Variants in PDE4D observed in about 807,000 individuals in gnomAD.
PDE4D encodes the protein 3',5'-cyclic-AMP phosphodiesterase 4D.
PDE4D carries 24 observed loss-of-function variants against 87.4 expected under a neutral mutation model. The ratio of observed to expected loss-of-function variants is 0.27; its 90% CI spans 0.20 to 0.39. PDE4D has a LOEUF of 0.39. Ranked by LOEUF, PDE4D falls within the 10% of genes least tolerant of loss-of-function variation. The pLI, the probability that PDE4D is intolerant of heterozygous loss-of-function variation, is 1.00. For synonymous variants in PDE4D, 384 were observed against 383.2 expected (o/e 1.00, Z -0.02); for missense variants, 714 against 1,041.0 (o/e 0.69, Z 4.32).
intron 1 of PDE4D, among the ~76,000 whole-genome samples, chr5:59,567,548 A>G (rs1821149458): frequency 2.6e-5 from 4 of 152,236 alleles, no homozygotes; most frequent in Admixed American, 2.6e-4. Context: ...AAAGTTGACT[A>G]TATCAATTTT....
At chr5:59,207,824 C>T (rs1384098338) in intron 2 of PDE4D, among the ~76,000 whole-genome samples, 1 of 151,440 alleles carries the variant, frequency 6.6e-6, no homozygotes, top group Non-Finnish European at 1.5e-5. Flanking sequence ...CTCTTTTATA[C>T]AGGAGTGAGA....
chr5:59,421,268 G>A (rs2547918), intron 1 of PDE4D, among the ~76,000 whole-genome samples: 29,680 of 152,050 alleles, frequency 0.2, 3,088 homozygotes, highest in Middle Eastern at 0.28. Flanking sequence ...GTTTATACTC[G>A]AGGTCAATTA....
chr5:59,091,040 ATAC>A, intron 5 of PDE4D: 1 of 426,668 alleles, frequency 2.3e-6, no homozygotes, highest in Non-Finnish European at 4.6e-6. Context: ...ACAAAAACAA[ATAC>A]AATTCAAATA....
chr5:59,406,415 G>T, intron 1 of PDE4D, among the ~76,000 whole-genome samples: 1 of 84,336 alleles, frequency 1.2e-5, no homozygotes, highest in South Asian at 4.1e-4. Context: ...CCCCCCCATA[G>T]AGTCTTGCTC....
Position 59,245,499 on chromosome 5 carries a change from G to GCAA in PDE4D, c.456-29534_456-29532dup, listed in dbSNP as rs546810698. 2.2e-4 allele frequency among the ~76,000 whole-genome samples: 34 copies of GCAA among 152,178 alleles called. No individual in the cohort carries two copies. In the East Asian group the frequency reaches 3.1e-3, roughly 14 times the overall value. On this transcript the variant is annotated intron_variant, in intron 1 of 14. Coordinates refer to ENST00000340635, the MANE Select transcript of PDE4D (RefSeq NM_001104631.2). ...TTTATTTTTATAACTGTCCATGCCA[G>GCAA]CAACAACAACAACAAAAATGTTTCT...
At chr5:59,835,262 G>A (rs1481317219) in intron 1 of PDE4D, among the ~76,000 whole-genome samples, 1 of 151,952 alleles carries the variant, frequency 6.6e-6, no homozygotes, top group Admixed American at 6.6e-5. Flanking sequence ...GGAACTTTGT[G>A]CATATTGGAA....
At chr5:59,007,899 C>T (rs1166209966) in intron 6 of PDE4D, among the ~76,000 whole-genome samples, 2 of 151,918 alleles carry the variant, frequency 1.3e-5, no homozygotes, top group African/African-American at 4.8e-5. Flanking sequence ...AGAAAGGAAA[C>T]CATTTTTGCT....
intron 1 of PDE4D, among the ~76,000 whole-genome samples, chr5:59,761,662 C>T (rs1468585701): frequency 6.6e-6 from 1 of 151,998 alleles, no homozygotes; most frequent in Admixed American, 6.6e-5. Context: ...CATATCTTGT[C>T]CCACTGGAAG....
At chr5:59,618,006 C>T (rs1579892699) in intron 1 of PDE4D, among the ~76,000 whole-genome samples, 1 of 151,050 alleles carries the variant, frequency 6.6e-6, no homozygotes, top group South Asian at 2.1e-4. Context: ...TCATTATTTT[C>T]TGATTTTTTT....
chr5:59,622,155 C>A (rs2150114051), intron 1 of PDE4D, among the ~76,000 whole-genome samples: 1 of 152,140 alleles, frequency 6.6e-6, no homozygotes, highest in Non-Finnish European at 1.5e-5. Context: ...GTTCTTTCCG[C>A]TACACTATTT....
chr5:59,161,620 GC>G (rs1235523089), intron 5 of PDE4D, among the ~76,000 whole-genome samples: 1 of 152,152 alleles, frequency 6.6e-6, no homozygotes, highest in Non-Finnish European at 1.5e-5. Context: ...GACTTCCTTT[GC>G]GGCCTAAATC....
chr5:59,060,494 T>C (rs1293037421), intron 5 of PDE4D, among the ~76,000 whole-genome samples: 2 of 152,196 alleles, frequency 1.3e-5, no homozygotes, highest in Non-Finnish European at 1.5e-5. Context: ...ATTTTTGCTT[T>C]GATGTTCAAT....
intron 1 of PDE4D, among the ~76,000 whole-genome samples, chr5:59,380,602 A>G (rs1036232448): frequency 6.6e-6 from 1 of 152,082 alleles, no homozygotes; most frequent in African/African-American, 2.4e-5. Context: ...TCATAATTGT[A>G]GTGTTCTGTT....
chr5:60,188,113 T>A (rs1007632981), intron 1 of PDE4D, among the ~76,000 whole-genome samples: 19 of 152,164 alleles, frequency 1.2e-4, no homozygotes, highest in Non-Finnish European at 2.1e-4. Context: ...CTAACCTCTC[T>A]CAAATAATAC....
intron 6 of PDE4D, among the ~76,000 whole-genome samples, chr5:59,031,386 T>TA (rs1561347932): frequency 2.2e-5 from 1 of 45,494 alleles, no homozygotes; most frequent in African/African-American, 1.5e-4. Context: ...TATATATATA[T>TA]ATATATTATA....
intron 6 of PDE4D, among the ~76,000 whole-genome samples, chr5:58,993,782 CA>C (rs1291186329): frequency 6.6e-6 from 1 of 152,002 alleles, no homozygotes; most frequent in African/African-American, 2.4e-5. Flanking sequence ...TCATGGCCAC[CA>C]GACTGACCAG....
intron 2 of PDE4D, among the ~76,000 whole-genome samples, chr5:59,203,195 CA>C (rs1205624867): frequency 6.6e-6 from 1 of 151,798 alleles, no homozygotes; most frequent in African/African-American, 2.4e-5. Flanking sequence ...AAATTAAAAT[CA>C]AAACAAGACC....
At chr5:59,087,693 T>A (rs1321596307) in intron 5 of PDE4D, among the ~76,000 whole-genome samples, 1 of 152,164 alleles carries the variant, frequency 6.6e-6, no homozygotes, top group Admixed American at 6.5e-5. Context: ...ATAGGTTACT[T>A]CTCTGTAGTT....
chr5:60,138,963 A>T (rs1780290653), intron 2 of PDE4D, among the ~76,000 whole-genome samples: 1 of 152,044 alleles, frequency 6.6e-6, no homozygotes, highest in African/African-American at 2.4e-5. Flanking sequence ...TTTTTAGCTG[A>T]AAGCAGGATT....
Sources: allele counts gnomAD v4.1 joint callset (sites outside exome capture counted in the v4.1 genomes callset), GRCh38; gene constraint gnomAD v4.1.1; transcripts MANE v1.5; gene names NCBI Gene and HGNC (gene_info 2026-07-23, HGNC 2026-07-21).